MARK3: variants seen among roughly 807,000 people sequenced by gnomAD.
The protein encoded by MARK3 is MAP/microtubule affinity-regulating kinase 3.
A neutral mutation model predicts 90.1 loss-of-function variants in MARK3; 46 were observed. The ratio of observed to expected loss-of-function variants is 0.51; its 90% CI spans 0.40 to 0.65. The LOEUF (loss-of-function observed/expected upper bound fraction) is 0.65, where lower values mean the gene tolerates loss of function less well. Among genes scored for constraint, MARK3 ranks in the 30% least tolerant of loss-of-function variants. MARK3 has a pLI of 0.00. For synonymous variants in MARK3, 321 were observed against 332.6 expected, an observed-to-expected ratio of 0.97 and a Z score of 0.38; for missense variants, 818 against 947.2, an observed-to-expected ratio of 0.86 and a Z score of 1.79.
intron 14 of MARK3, among the ~76,000 whole-genome samples, chr14:103,489,009 A>G (rs892038225): frequency 6.6e-6 from 1 of 152,206 alleles, no homozygotes; most frequent in Non-Finnish European, 1.5e-5. Flanking sequence ...TTCTGCTTAC[A>G]CTGGTGGGGG....
intron 2 of MARK3, 79 bp downstream of exon 2, chr14:103,405,346 T>G: frequency 8.9e-7 from 1 of 1,125,996 alleles, no homozygotes; most frequent in Non-Finnish European, 1.2e-6. Flanking sequence ...AGAATATAGA[T>G]ATAGGCCTTA....
At chr14:103,395,914 C>A (rs149883497) in intron 1 of MARK3, among the ~76,000 whole-genome samples, 1 of 152,306 alleles carries the variant, frequency 6.6e-6, no homozygotes, top group Non-Finnish European at 1.5e-5. Flanking sequence ...AACAGTGGGA[C>A]ACACTGTTAT....
At chr14:103,493,160 C>T (rs561320789) in intron 15 of MARK3, among the ~76,000 whole-genome samples, 7 of 150,110 alleles carry the variant, frequency 4.7e-5, no homozygotes, top group South Asian at 2.1e-4. Context: ...ATCTTGTATT[C>T]GATCATCTGA....
intron 15 of MARK3, among the ~76,000 whole-genome samples, chr14:103,496,742 T>G (rs866397047): frequency 6.6e-6 from 1 of 151,886 alleles, no homozygotes; most frequent in Non-Finnish European, 1.5e-5. Context: ...AGAAAAAAAG[T>G]TGGGAAATGG....
rs2075751252 is a variant in MARK3 at position 103,502,921 on chromosome 14, A to G, written c.1956A>G (p.Glu652=). Residue 652 remains glutamate (E), a synonymous_variant, in exon 18 of 18, where the codon GAA becomes GAG. Transcript: ENST00000429436. ...CTGAGCAAAAAGATGAAAACAAAGA[A>G]GCAAAGCCTCGATCCCTACGCTTCA... The part of the protein sequence containing the change: ...VSAEQKDENK[E]AKPRSLRFTW... 2 of 1,613,690 alleles carry G rather than the reference A, an allele frequency of 1.2e-6. No individual in the cohort carries two copies. The highest frequency in any genetic ancestry group is 1.7e-6 in the Non-Finnish European group (2 of 1,179,580).
chr14:103,441,165 G>T (rs1221820629), intron 3 of MARK3, among the ~76,000 whole-genome samples: 4 of 152,058 alleles, frequency 2.6e-5, no homozygotes, highest in African/African-American at 7.2e-5. Context: ...CTACTTGATG[G>T]TATATCTTCA....
intron 7 of MARK3, among the ~76,000 whole-genome samples, chr14:103,465,332 A>G (rs1315935838): frequency 6.6e-6 from 1 of 152,162 alleles, no homozygotes. Context: ...TTGATGTTTA[A>G]ATTAGTGCTA....
Position 103,422,678 on chromosome 14 carries a change from T to C in MARK3, c.244-5709T>C, listed in dbSNP as rs145271760. On this transcript the variant is annotated intron_variant, in intron 2 of 17. Coordinates refer to ENST00000429436, the MANE Select transcript of MARK3 (RefSeq NM_001128918.3). ...GTGCCACCTTCTAATACCATAGGTTTTGTCTGTTTGTTGTTTTAACATTGT... is the reference window on the plus strand; with the variant it reads ...GTGCCACCTTCTAATACCATAGGTTCTGTCTGTTTGTTGTTTTAACATTGT... Among the ~76,000 whole-genome samples, 411 of 152,260 alleles carry C rather than the reference T, an allele frequency of 2.7e-3. 2 individuals are homozygous for C. The highest frequency in any genetic ancestry group is 9.5e-3 in the African/African-American group (394 of 41,542).
chr14:103,493,874 CAAA>C (rs539464779), intron 15 of MARK3, among the ~76,000 whole-genome samples: 5 of 87,586 alleles, frequency 5.7e-5, no homozygotes, highest in Admixed American at 2.7e-4. Context: ...GACTGTGTCT[CAAA>C]AAAAAAAAAA....
Position 103,462,471 on chromosome 14 carries a change from A to G in MARK3, c.540+10A>G. 6.3e-7 allele frequency: 1 copy of G among 1,595,566 alleles called. No homozygotes were observed. The highest frequency in any genetic ancestry group is 8.6e-7 in the Non-Finnish European group (1 of 1,164,822). ...ACATCGAGACCTCAAGGTGAGTAGA[A>G]GTGCCTCACTCAGTGTATGCTCTGT... On this transcript the variant is annotated intron_variant, in intron 7 of 17. Transcript: ENST00000429436.
chr14:103,476,654 A>G (rs8015918), intron 13 of MARK3, among the ~76,000 whole-genome samples: 51,399 of 152,066 alleles, frequency 0.34, 9,051 homozygotes, highest in Middle Eastern at 0.47. Flanking sequence ...GTTTTTCCCT[A>G]CAAAATTAAC....
intron 3 of MARK3, among the ~76,000 whole-genome samples, chr14:103,434,659 A>G (rs995118397): frequency 2.6e-5 from 4 of 152,164 alleles, no homozygotes; most frequent in African/African-American, 9.7e-5. Flanking sequence ...CGAAATTTAC[A>G]TCAAGCTGTC....
chr14:103,406,394 A>ATTT (rs71126015), intron 2 of MARK3, among the ~76,000 whole-genome samples: 4 of 141,166 alleles, frequency 2.8e-5, no homozygotes, highest in Admixed American at 7.0e-5. Flanking sequence ...CTGGCTAATT[A>ATTT]TTTTTTTTTT....
intron 3 of MARK3, 82 bp downstream of exon 3, chr14:103,428,522 C>T: frequency 1.3e-6 from 1 of 746,862 alleles, no homozygotes. Flanking sequence ...AATACCCCAA[C>T]TGTTATTTTA....
At chr14:103,496,670 C>T (rs2142091348) in intron 15 of MARK3, among the ~76,000 whole-genome samples, 1 of 152,150 alleles carries the variant, frequency 6.6e-6, no homozygotes, top group Non-Finnish European at 1.5e-5. Context: ...ACCTCAGCCT[C>T]CCAAAGTGCT....
At chr14:103,391,521 T>A (rs982304858) in intron 1 of MARK3, among the ~76,000 whole-genome samples, 9 of 151,770 alleles carry the variant, frequency 5.9e-5, no homozygotes, top group African/African-American at 2.2e-4. Flanking sequence ...TACATTATAG[T>A]TGGCTGATAT....
chr14:103,481,785 G>GA (rs1491459193), intron 14 of MARK3, among the ~76,000 whole-genome samples: 4 of 11,680 alleles, frequency 3.4e-4, no homozygotes, highest in Non-Finnish European at 1.2e-3. Flanking sequence ...TTTTTTTTTT[G>GA]AGACAGAGTC....
intron 2 of MARK3, among the ~76,000 whole-genome samples, chr14:103,413,116 C>T (rs2091755319): frequency 6.6e-6 from 1 of 152,040 alleles, no homozygotes; most frequent in Non-Finnish European, 1.5e-5. Context: ...TCAGGTGATC[C>T]ACCCGCCTCG....
chr14:103,477,163 C>G (rs1023867436), intron 13 of MARK3, among the ~76,000 whole-genome samples: 1 of 152,184 alleles, frequency 6.6e-6, no homozygotes. Context: ...GTAAAAGTGA[C>G]TGCTCTATCT....
Sources: gnomAD v4.1 joint callset for allele counts (sites outside exome capture counted in the v4.1 genomes callset) on GRCh38, gnomAD v4.1.1 for gene constraint, MANE v1.5 for transcripts, NCBI Gene and HGNC (gene_info 2026-07-23, HGNC 2026-07-21) for gene names.